Variants in PTPRD observed in about 807,000 individuals in gnomAD.
PTPRD encodes receptor-type tyrosine-protein phosphatase delta.
A neutral mutation model predicts 214.5 loss-of-function variants in PTPRD; 34 were observed. The observed-to-expected ratio is 0.16, with a 90% CI of 0.12 to 0.21. The LOEUF is 0.21. Among genes scored for constraint, PTPRD ranks in the 10% least tolerant of loss-of-function variants. The pLI is 1.00. For missense variants in PTPRD, 2,545 were observed against 2,398.7 expected (o/e 1.06, Z -1.27); for synonymous variants, 1,128 against 845.7 (o/e 1.33, Z -5.79).
intron 11 of PTPRD, among the ~76,000 whole-genome samples, chr9:8,779,139 C>T (rs962085591): frequency 6.6e-6 from 1 of 152,168 alleles, no homozygotes; most frequent in East Asian, 1.9e-4. Flanking sequence ...GATGGAAAGA[C>T]AGTATACCCA....
intron 7 of PTPRD, among the ~76,000 whole-genome samples, chr9:9,688,063 G>A (rs1004620367): frequency 2.6e-5 from 4 of 151,704 alleles, no homozygotes; most frequent in African/African-American, 9.7e-5. Flanking sequence ...CTGCTGCCTT[G>A]TGAAGAAGTT....
intron 2 of PTPRD, among the ~76,000 whole-genome samples, chr9:10,561,400 G>T (rs1273381426): frequency 6.6e-6 from 1 of 152,094 alleles, no homozygotes; most frequent in Non-Finnish European, 1.5e-5. Flanking sequence ...TGATTTTAAT[G>T]ATCAGTGTTG....
In PTPRD at chr9:9,951,765, A is replaced by G. The variant is rs895464270; in HGVS notation, c.-471-13155T>C. ...TGCATCAGGAGGAAACAGATTATAC[A>G]TCACAGGAAAGGTAGTGCCTAGCCA... On this transcript the variant is annotated intron_variant, in intron 4 of 45. Coordinates refer to ENST00000381196, the MANE Select transcript of PTPRD (RefSeq NM_002839.4). Among the ~76,000 whole-genome samples the G allele has an allele frequency of 8.1e-4, 124 of 152,374 alleles. 1 individual carries two copies. The highest frequency in any genetic ancestry group is 2.8e-3 in the African/African-American group (115 of 41,600).
chr9:9,317,202 C>G (rs566399085), intron 9 of PTPRD, among the ~76,000 whole-genome samples: 4 of 152,250 alleles, frequency 2.6e-5, no homozygotes, highest in African/African-American at 7.2e-5. Flanking sequence ...TTGTCCTCTG[C>G]TCACACTACA....
chr9:9,380,154 T>C (rs568541380), intron 9 of PTPRD, among the ~76,000 whole-genome samples: 7 of 152,170 alleles, frequency 4.6e-5, no homozygotes, highest in African/African-American at 1.7e-4. Context: ...TAGAGATTCT[T>C]TATCAAACTG....
intron 27 of PTPRD, among the ~76,000 whole-genome samples, chr9:8,491,073 A>G (rs2097139627): frequency 6.6e-6 from 1 of 152,242 alleles, no homozygotes; most frequent in South Asian, 2.1e-4. Flanking sequence ...TATGCAAAGG[A>G]AAACTAGAGC....
Position 10,605,143 on chromosome 9 carries a change from A to G in PTPRD, c.-600+7255T>C, listed in dbSNP as rs12002831. Among the ~76,000 whole-genome samples the G allele has an allele frequency of 2.7e-3, 417 of 152,002 alleles. 1 individual carries two copies. Among genetic ancestry groups the G allele is most frequent in the African/African-American group, 9.7e-3 (404 of 41,524 alleles). ...GCCTTCCTCTTTGGTTATTTGATCC[A>G]AAGTACACATTATAAGTCCTCTTAT... On this transcript the variant is annotated intron_variant, in intron 2 of 45. Transcript: ENST00000381196.
At chr9:8,921,000 G>C (rs574065430) in intron 11 of PTPRD, among the ~76,000 whole-genome samples, 1 of 152,228 alleles carries the variant, frequency 6.6e-6, no homozygotes, top group African/African-American at 2.4e-5. Flanking sequence ...TTTTAGTCGA[G>C]ACAGGGTATC....
intron 14 of PTPRD, among the ~76,000 whole-genome samples, chr9:8,620,538 G>C (rs1158474559): frequency 1.5e-4 from 23 of 151,978 alleles, no homozygotes; most frequent in Admixed American, 1.5e-3. Context: ...CTGTTCAAAT[G>C]CAATGAGAGG....
At chr9:10,114,072 G>A (rs1344664922) in intron 3 of PTPRD, among the ~76,000 whole-genome samples, 1 of 152,092 alleles carries the variant, frequency 6.6e-6, no homozygotes, top group Non-Finnish European at 1.5e-5. Context: ...TGATGCAGAT[G>A]GTTCTCAGTC....
At chr9:8,446,399 T>A (rs2095727116) in intron 34 of PTPRD, among the ~76,000 whole-genome samples, 1 of 152,208 alleles carries the variant, frequency 6.6e-6, no homozygotes, top group Admixed American at 6.5e-5. Flanking sequence ...ATTTATAGAA[T>A]CACTGAACTA....
intron 3 of PTPRD, among the ~76,000 whole-genome samples, chr9:10,261,704 AT>A (rs2093709951): frequency 1.3e-5 from 2 of 152,168 alleles, no homozygotes; most frequent in South Asian, 4.1e-4. Context: ...AATTATGCTA[AT>A]AACATGGTTT....
chr9:9,419,827 A>G (rs2078136440), intron 8 of PTPRD, among the ~76,000 whole-genome samples: 1 of 151,798 alleles, frequency 6.6e-6, no homozygotes, highest in Non-Finnish European at 1.5e-5. Flanking sequence ...ATGTAAACAT[A>G]TTAAACACTT....
At chr9:9,091,342 T>C in intron 10 of PTPRD, 1 of 761,706 alleles carries the variant, frequency 1.3e-6, no homozygotes, top group Non-Finnish European at 2.3e-6. Flanking sequence ...AATAGCTGCG[T>C]ATTTTTCTGG....
chr9:9,684,716 T>A (rs1195072330), intron 7 of PTPRD, among the ~76,000 whole-genome samples: 1 of 151,646 alleles, frequency 6.6e-6, no homozygotes. Flanking sequence ...TGTGTATGTG[T>A]GTGTGTGTGG....
At chr9:9,180,575 T>C (rs550486001) in intron 10 of PTPRD, among the ~76,000 whole-genome samples, 75 of 152,172 alleles carry the variant, frequency 4.9e-4, no homozygotes, top group Non-Finnish European at 9.4e-4. Context: ...TGTGCACATG[T>C]ACTCTAAAAC....
At chr9:8,849,506 G>C (rs572737881) in intron 11 of PTPRD, among the ~76,000 whole-genome samples, 7 of 152,138 alleles carry the variant, frequency 4.6e-5, no homozygotes, top group African/African-American at 1.7e-4. Flanking sequence ...GATTACAGGC[G>C]TGAGCCACCG....
chr9:9,781,701 A>G (rs2098844051), intron 5 of PTPRD, among the ~76,000 whole-genome samples: 2 of 151,824 alleles, frequency 1.3e-5, no homozygotes, highest in African/African-American at 2.4e-5. Flanking sequence ...CGAAAAGACT[A>G]TTCTCTCTCT....
At chr9:9,328,351 A>T (rs946190387) in intron 9 of PTPRD, among the ~76,000 whole-genome samples, 1 of 152,050 alleles carries the variant, frequency 6.6e-6, no homozygotes, top group Non-Finnish European at 1.5e-5. Flanking sequence ...TCACTTTTAG[A>T]CATCTTTTGT....
Sources: gnomAD v4.1 joint callset for allele counts (sites outside exome capture counted in the v4.1 genomes callset) on GRCh38, gnomAD v4.1.1 for gene constraint, MANE v1.5 for transcripts, NCBI Gene and HGNC (gene_info 2026-07-23, HGNC 2026-07-21) for gene names.